The following RPRD1A variants were observed in gnomAD, a reference collection of about 807,000 sequenced individuals.
RPRD1A encodes the protein regulation of nuclear pre-mRNA domain-containing protein 1A.
Under a neutral mutation model 37.8 loss-of-function variants are expected in RPRD1A, and 9 were observed. The observed-to-expected ratio is 0.24, with a 90% confidence interval of 0.14 to 0.42. RPRD1A has a LOEUF of 0.42. RPRD1A is among the 10% of genes least tolerant of loss of function. The pLI is 1.00. For synonymous variants in RPRD1A, 138 were observed against 139.7 expected, an observed-to-expected ratio of 0.99 and a Z score of 0.08; for missense variants, 255 against 371.0, an observed-to-expected ratio of 0.69 and a Z score of 2.57.
At chr18:36,008,095 A>G (rs1218695865) in intron 6 of RPRD1A, among the ~76,000 whole-genome samples, 1 of 152,012 alleles carries the variant, frequency 6.6e-6, no homozygotes, top group Non-Finnish European at 1.5e-5. Context: ...AAATCAAAAC[A>G]AAAAATAACC....
chr18:36,019,300 G>A (rs1910828371), intron 6 of RPRD1A, among the ~76,000 whole-genome samples: 2 of 151,864 alleles, frequency 1.3e-5, no homozygotes, highest in South Asian at 2.1e-4. Flanking sequence ...GTAGAGATGG[G>A]GTTTCACCGT....
chr18:36,006,284 T>C (rs1909745424), intron 6 of RPRD1A, among the ~76,000 whole-genome samples: 1 of 152,112 alleles, frequency 6.6e-6, no homozygotes, highest in Non-Finnish European at 1.5e-5. Context: ...GCTCAAGCAG[T>C]CCTCCCACCT....
chr18:36,026,976 T>C lies in RPRD1A; in HGVS notation c.713A>G (p.Lys238Arg). 1 of 1,614,066 alleles carries C rather than the reference T, an allele frequency of 6.2e-7. No homozygotes were observed. Among genetic ancestry groups the C allele is most frequent in the Non-Finnish European group, 8.5e-7 (1 of 1,179,910 alleles). The stretch of plus-strand genomic sequence containing the variant: ...ATCTGCTAACATTCGAGTGAGTTGC[T>C]TTCTATCATCTATTTCTGCCGCCAA... ...GRLAAEIDDR[K>R]QLTRMLADFL... Residue 238 changes from lysine (K) to arginine (R), a missense_variant, in exon 6 of 7, where the codon AAG becomes AGG. Lys to Arg is a conservative substitution (Grantham distance 26). Transcript: ENST00000399022.
At chr18:36,011,867 A>G (rs1910200994) in intron 6 of RPRD1A, among the ~76,000 whole-genome samples, 1 of 152,236 alleles carries the variant, frequency 6.6e-6, no homozygotes, top group Admixed American at 6.5e-5. Flanking sequence ...CCATGATTTC[A>G]GTTACCTAAG....
At chr18:36,050,026 C>T (rs1913263467) in intron 1 of RPRD1A, among the ~76,000 whole-genome samples, 1 of 151,894 alleles carries the variant, frequency 6.6e-6, no homozygotes, top group Non-Finnish European at 1.5e-5. Context: ...ATGAAGTGGT[C>T]TCTGCTTGTG....
intron 6 of RPRD1A, among the ~76,000 whole-genome samples, chr18:36,012,268 C>G (rs889629819): frequency 1.3e-5 from 2 of 152,048 alleles, no homozygotes; most frequent in African/African-American, 4.8e-5. Context: ...AGCCATGCTA[C>G]CAGTTGTATA....
Position 36,027,371 on chromosome 18 carries a change from T to TA in RPRD1A, c.487-62dup, listed in dbSNP as rs1911445231. 6 of 1,567,420 alleles carry TA rather than the reference T, an allele frequency of 3.8e-6. No individual in the cohort carries two copies. In the South Asian group the frequency reaches 6.7e-5, roughly 18 times the overall value. ...GAGCTTAAACAAGTGCAAAAGACTT[T>TA]AATTTCATATTCTTTCATCCCTATG... is the stretch of plus-strand genomic sequence containing the variant. On this transcript the variant is annotated intron_variant, in intron 4 of 6. Coordinates refer to ENST00000399022, the MANE Select transcript of RPRD1A (RefSeq NM_018170.5).
chr18:36,059,105 CTG>C (rs1426031666), intron 1 of RPRD1A, among the ~76,000 whole-genome samples: 1 of 152,146 alleles, frequency 6.6e-6, no homozygotes, highest in Admixed American at 6.6e-5. Flanking sequence ...AAACATCAAA[CTG>C]TATCCCATAA....
chr18:36,056,222 A>T (rs1913756548), intron 1 of RPRD1A, among the ~76,000 whole-genome samples: 1 of 152,154 alleles, frequency 6.6e-6, no homozygotes, highest in Non-Finnish European at 1.5e-5. Flanking sequence ...TTCTGGGTAG[A>T]GAAATGGTTA....
rs961747482 is a variant in RPRD1A at position 36,026,941 on chromosome 18, A to C, written c.748T>G (p.Cys250Gly). 1.9e-6 allele frequency: 3 copies of C among 1,613,996 alleles called. No individual in the cohort carries two copies. The highest frequency in any genetic ancestry group is 8.5e-7 in the Non-Finnish European group (1 of 1,179,860). The change falls in exon 6 of 7, where the codon TGT (cysteine) becomes GGT (glycine). Residue 250 changes from cysteine to glycine, a missense_variant. This residue lies in a region of RPRD1A where 211 missense variants were observed against 268.9 expected (regional missense o/e 0.78). Coordinates refer to ENST00000399022, the MANE Select transcript of RPRD1A (RefSeq NM_018170.5). The part of the protein sequence containing the change: ...LTRMLADFLR[C>G]QKEALAEKEH... Reference sequence around the variant, plus strand: ...TTCTCTGCAAGGGCTTCCTTTTGACAACGAAGAAAATCTGCTAACATTCGA... The same window carrying C: ...TTCTCTGCAAGGGCTTCCTTTTGACCACGAAGAAAATCTGCTAACATTCGA...
chr18:36,037,382 T>C (rs936130580), intron 1 of RPRD1A, among the ~76,000 whole-genome samples: 1 of 151,638 alleles, frequency 6.6e-6, no homozygotes, highest in South Asian at 2.1e-4. Flanking sequence ...CACTCTGTAC[T>C]TCTTCCTGCC....
At chr18:36,030,047 C>A (rs931996733) in intron 4 of RPRD1A, among the ~76,000 whole-genome samples, 1 of 151,242 alleles carries the variant, frequency 6.6e-6, no homozygotes, top group Admixed American at 6.6e-5. Flanking sequence ...ACCTCATGAT[C>A]CGACCACCTT....
chr18:36,009,737 C>T (rs886336270), intron 6 of RPRD1A, among the ~76,000 whole-genome samples: 1 of 152,120 alleles, frequency 6.6e-6, no homozygotes, highest in African/African-American at 2.4e-5. Flanking sequence ...TCTGCATTAC[C>T]CAACATGGTA....
rs551323799 is a variant in RPRD1A, at chr18:35,994,550, G to A, written c.790-1250C>T. Among the ~76,000 whole-genome samples, 171 of 152,302 alleles carry A rather than the reference G, an allele frequency of 1.1e-3. 1 individual carries two copies. The highest frequency in any genetic ancestry group is 2.1e-3 in the Non-Finnish European group (141 of 68,016). On this transcript the variant is annotated intron_variant, in intron 6 of 6. Transcript: ENST00000399022. ...CAGGCTTCATAAGCAGGTGGATATC[G>A]GAGCTGTTATCTGAGATAGCAGAGA...
intron 1 of RPRD1A, among the ~76,000 whole-genome samples, chr18:36,052,348 GA>G (rs973559208): frequency 6.6e-6 from 1 of 151,582 alleles, no homozygotes; most frequent in African/African-American, 2.4e-5. Flanking sequence ...ATAGTAACTA[GA>G]AGCCATAAGA....
chr18:36,033,938 A>G (rs1018790922), intron 1 of RPRD1A, 101 bp from the exon 2 acceptor site: 1 of 937,784 alleles, frequency 1.1e-6, no homozygotes, highest in Non-Finnish European at 1.6e-6. Flanking sequence ...AAATAACCCT[A>G]CTAACCTTTA....
rs1463745648 is a variant in RPRD1A, at chr18:36,067,233, CG to C, written c.151+20del. Reference sequence around the variant, plus strand: ...GGCCGGCCGGGTGGTGGGAAGCGGCCGACATAAGCGGTTGACTCACCTTTCC... The same window carrying C: ...GGCCGGCCGGGTGGTGGGAAGCGGCCACATAAGCGGTTGACTCACCTTTCC... On this transcript the variant is annotated intron_variant, in intron 1 of 6. Coordinates refer to ENST00000399022, the MANE Select transcript of RPRD1A (RefSeq NM_018170.5). 7 of 1,547,844 alleles carry C rather than the reference CG, an allele frequency of 4.5e-6. No homozygotes were observed. The African/African-American group carries it at 8.2e-5, about 18-fold the overall frequency.
At chr18:36,011,556 TA>T (rs2144205973) in intron 6 of RPRD1A, among the ~76,000 whole-genome samples, 1 of 152,196 alleles carries the variant, frequency 6.6e-6, no homozygotes, top group Non-Finnish European at 1.5e-5. Flanking sequence ...CTCGACAAGC[TA>T]AAACATTGAT....
intron 6 of RPRD1A, among the ~76,000 whole-genome samples, chr18:36,015,498 G>A (rs867195504): frequency 3.3e-5 from 5 of 152,062 alleles, no homozygotes; most frequent in Middle Eastern, 3.2e-3. Flanking sequence ...CACCATGCCC[G>A]GCCTCAAAGA....
Sources: allele counts gnomAD v4.1 joint callset (sites outside exome capture counted in the v4.1 genomes callset), GRCh38; gene constraint gnomAD v4.1.1; regional missense constraint gnomAD v4.1.1; transcripts MANE v1.5; gene names NCBI Gene and HGNC (gene_info 2026-07-23, HGNC 2026-07-21).